LPGAT1: variants seen among roughly 807,000 people sequenced by gnomAD.
The protein encoded by LPGAT1 is lysophosphatidylglycerol acyltransferase 1.
LPGAT1 carries 11 observed loss-of-function variants against 47.5 expected under a neutral mutation model. The observed-to-expected ratio is 0.23, with a 90% CI of 0.15 to 0.38. The LOEUF (loss-of-function observed/expected upper bound fraction) is 0.38. LPGAT1 is among the 10% of genes least tolerant of loss of function. LPGAT1 has a pLI of 1.00. For missense variants in LPGAT1, 293 were observed against 439.0 expected, an observed-to-expected ratio of 0.67 and a Z score of 2.97; for synonymous variants, 138 against 144.2, an observed-to-expected ratio of 0.96 and a Z score of 0.31.
chr1:211,828,747 T>A (rs948072035), intron 2 of LPGAT1, among the ~76,000 whole-genome samples: 1 of 152,230 alleles, frequency 6.6e-6, no homozygotes, highest in Non-Finnish European at 1.5e-5. Context: ...ATCTTCACTT[T>A]ATAAGCTCTC....
intron 6 of LPGAT1, among the ~76,000 whole-genome samples, chr1:211,756,500 T>C (rs1029331540): frequency 6.6e-6 from 1 of 152,076 alleles, no homozygotes; most frequent in Non-Finnish European, 1.5e-5. Context: ...GCTAATTTTT[T>C]TGTTGTTGTG....
Position 211,756,443 on chromosome 1 carries a change from AC to A in LPGAT1, c.855-5377del, listed in dbSNP as rs1414177942. On this transcript the variant is annotated intron_variant, in intron 6 of 7. Coordinates refer to ENST00000366997, the MANE Select transcript of LPGAT1 (RefSeq NM_014873.3). ...CTTCCCAGGCTCAAGTGATCCTCCC[AC>A]CTCAGCCTGAGTAGCTGGGACCACA... Among the ~76,000 whole-genome samples, 6 of 152,026 alleles carry A rather than the reference AC, an allele frequency of 3.9e-5. No individual in the cohort carries two copies. In the East Asian group the frequency reaches 1.2e-3, roughly 29 times the overall value.
intron 6 of LPGAT1, among the ~76,000 whole-genome samples, chr1:211,776,172 T>C (rs1658391728): frequency 6.6e-6 from 1 of 152,148 alleles, no homozygotes; most frequent in South Asian, 2.1e-4. Flanking sequence ...ATGAAATATC[T>C]TAAGTGGGAT....
chr1:211,804,213 A>T (rs1659675366), intron 2 of LPGAT1, among the ~76,000 whole-genome samples: 1 of 151,842 alleles, frequency 6.6e-6, no homozygotes, highest in African/African-American at 2.4e-5. Flanking sequence ...ATGCCCTACT[A>T]ATTTTTTTTT....
At chr1:211,778,753 C>T (rs1267356892) in intron 6 of LPGAT1, among the ~76,000 whole-genome samples, 165 bp downstream of exon 6, 1 of 152,020 alleles carries the variant, frequency 6.6e-6, no homozygotes, top group Admixed American at 6.5e-5. Context: ...TATAACTGAG[C>T]GAAATACCTA....
intron 6 of LPGAT1, among the ~76,000 whole-genome samples, chr1:211,775,480 T>A (rs1051448387): frequency 6.6e-6 from 1 of 152,166 alleles, no homozygotes; most frequent in Non-Finnish European, 1.5e-5. Context: ...GACACCAAGA[T>A]GTACTACATA....
At chr1:211,802,101 A>AAG (rs1259306459) in intron 2 of LPGAT1, among the ~76,000 whole-genome samples, 1 of 150,396 alleles carries the variant, frequency 6.6e-6, no homozygotes, top group Non-Finnish European at 1.5e-5. Flanking sequence ...AAAAAAAAAA[A>AAG]AGAGAAAAAA....
In LPGAT1 at chr1:211,829,270, C is replaced by T. The variant is rs201315187; in HGVS notation, c.27G>A (p.Pro9=). 6.2e-7 allele frequency: 1 copy of T among 1,614,098 alleles called. No individual in the cohort carries two copies. The highest frequency in any genetic ancestry group is 1.3e-5 in the African/African-American group (1 of 74,934). Residue 9 remains proline (P), a synonymous_variant, in exon 2 of 8, where the codon CCG becomes CCA. Transcript: ENST00000366997. ...CTTTCACCAAGAGCCAGCCCAGCCACGGAGCTTCTTCCAAAGTTATAGCCA... is the reference window on the plus strand; with the variant it reads ...CTTTCACCAAGAGCCAGCCCAGCCATGGAGCTTCTTCCAAAGTTATAGCCA... MAITLEEA[P]WLGWLLVKAL...
intron 6 of LPGAT1, among the ~76,000 whole-genome samples, chr1:211,759,067 A>T (rs757392150): frequency 2.0e-5 from 3 of 152,194 alleles, no homozygotes; most frequent in Non-Finnish European, 2.9e-5. Flanking sequence ...ATAACATTAC[A>T]TATTTTAATA....
chr1:211,781,366 G>A (rs12116638), intron 5 of LPGAT1, among the ~76,000 whole-genome samples: 16,832 of 152,244 alleles, frequency 0.11, 1,122 homozygotes, highest in South Asian at 0.21. Flanking sequence ...AACTATTTTA[G>A]AACAGCAGTC....
chr1:211,828,627 T>G (rs1404836349), intron 2 of LPGAT1, among the ~76,000 whole-genome samples: 1 of 152,230 alleles, frequency 6.6e-6, no homozygotes, highest in African/African-American at 2.4e-5. Context: ...AATATCACGT[T>G]AAATGATGAA....
At chr1:211,809,670 G>A (rs1046181057) in intron 2 of LPGAT1, among the ~76,000 whole-genome samples, 4 of 152,126 alleles carry the variant, frequency 2.6e-5, no homozygotes, top group Admixed American at 2.6e-4. Context: ...TTTATAAAGA[G>A]GAGTTCCCTT....
chr1:211,824,567 T>G (rs1437981344), intron 2 of LPGAT1, among the ~76,000 whole-genome samples: 1 of 152,146 alleles, frequency 6.6e-6, no homozygotes, highest in Admixed American at 6.5e-5. Context: ...GCTAGACCAC[T>G]GACTCCCAGA....
In LPGAT1 at chr1:211,745,240, T is replaced by A. The variant is rs1389494542; in HGVS notation, c.*4659A>T. The A allele has an allele frequency of 6.6e-6, 1 of 152,472 alleles. No homozygotes were observed. Among genetic ancestry groups the A allele is most frequent in the Non-Finnish European group, 1.5e-5 (1 of 68,012 alleles). 9.4% of individuals were successfully genotyped at this position (152,472 alleles called of 1,614,324 possible). ...AACATGCAGATAACACAAAGAAAGG[T>A]CAACAAGCTGAAGTAAACATTACAG... On this transcript the variant is annotated 3_prime_UTR_variant, in exon 8 of 8. Coordinates refer to ENST00000366997, the MANE Select transcript of LPGAT1 (RefSeq NM_014873.3).
At chr1:211,779,872 A>G (rs1054388167) in intron 5 of LPGAT1, among the ~76,000 whole-genome samples, 1 of 148,608 alleles carries the variant, frequency 6.7e-6, no homozygotes, top group Non-Finnish European at 1.5e-5. Context: ...AAATAAATAA[A>G]TAAATAAATA....
intron 1 of LPGAT1, chr1:211,829,949 C>T (rs894100657): frequency 1.0e-6 from 1 of 983,398 alleles, no homozygotes; most frequent in African/African-American, 1.8e-5. Context: ...GGTTATAATG[C>T]GAAAAAGAGG....
intron 6 of LPGAT1, among the ~76,000 whole-genome samples, chr1:211,755,000 TAAGACTCAGTCTCGAAGCGACAGAGC>T (rs1657378076): frequency 8.9e-6 from 1 of 112,268 alleles, no homozygotes; most frequent in Non-Finnish European, 1.7e-5. Flanking sequence ...GGCGACAGAG[TAAGACTCAGTCTCGAAGCGACAGAGC>T]AAGACTCCGT....
chr1:211,820,720 T>G (rs1319775072), intron 2 of LPGAT1, among the ~76,000 whole-genome samples: 1 of 151,554 alleles, frequency 6.6e-6, no homozygotes, highest in East Asian at 1.9e-4. Flanking sequence ...CAAAAGGAGA[T>G]TCAACATACA....
At chr1:211,819,301 T>A (rs1481075515) in intron 2 of LPGAT1, among the ~76,000 whole-genome samples, 3 of 152,158 alleles carry the variant, frequency 2.0e-5, no homozygotes, top group African/African-American at 7.2e-5. Flanking sequence ...GAGACCAGTC[T>A]GGGCAACTTG....
Sources: allele counts gnomAD v4.1 joint callset (sites outside exome capture counted in the v4.1 genomes callset), GRCh38; gene constraint gnomAD v4.1.1; transcripts MANE v1.5; gene names NCBI Gene and HGNC (gene_info 2026-07-23, HGNC 2026-07-21).